The following COL6A5 variants were observed in gnomAD, a reference collection of about 807,000 sequenced individuals.
The protein encoded by COL6A5 is collagen alpha-5(VI) chain.
COL6A5 carries 48 observed loss-of-function variants against 65.6 expected under a neutral mutation model. The ratio of observed to expected loss-of-function variants is 0.73; its 90% CI spans 0.58 to 0.93. COL6A5 has a LOEUF of 0.93. COL6A5 is among the 40% of genes least tolerant of loss of function. The probability of loss-of-function intolerance (pLI) is 0.00; values close to 1 mark genes in which losing one functional copy is unlikely to be tolerated. For missense variants in COL6A5, 914 were observed against 928.3 expected (o/e 0.98, Z 0.20); for synonymous variants, 291 against 322.8 (o/e 0.90, Z 1.05).
At chr3:130,474,022 A>G (rs1490160682) in intron 7 of COL6A5, among the ~76,000 whole-genome samples, 1 of 152,120 alleles carries the variant, frequency 6.6e-6, no homozygotes, top group African/African-American at 2.4e-5. Flanking sequence ...TAACAGCAGT[A>G]ACTGCCATAG....
At chr3:130,393,332 T>A (rs913967531) in intron 7 of COL6A5, among the ~76,000 whole-genome samples, 1 of 152,132 alleles carries the variant, frequency 6.6e-6, no homozygotes, top group African/African-American at 2.4e-5. Flanking sequence ...TTTCAGTCTT[T>A]GTTTGCTAGT....
At chr3:130,386,576 C>T (rs1936196224) in intron 5 of COL6A5, among the ~76,000 whole-genome samples, 1 of 152,012 alleles carries the variant, frequency 6.6e-6, no homozygotes, top group African/African-American at 2.4e-5. Flanking sequence ...AGAGTTGGGT[C>T]TTTAGGGTGT....
At chr3:130,348,817 A>G (rs1292356639) in intron 1 of COL6A5, among the ~76,000 whole-genome samples, 5 of 152,184 alleles carry the variant, frequency 3.3e-5, no homozygotes, top group Non-Finnish European at 7.4e-5. Context: ...TTGCCATTCT[A>G]ACTGGCGTGA....
chr3:130,403,550 C>G, intron 12 of COL6A5, 59 bp from the exon 13 acceptor site: 1 of 1,384,744 alleles, frequency 7.2e-7, no homozygotes, highest in Admixed American at 2.4e-5. Flanking sequence ...AATGATTTCA[C>G]AAGTTTGACT....
At chr3:130,405,940 G>T in intron 14 of COL6A5, 53 bp from the exon 15 acceptor site, 1 of 1,526,330 alleles carries the variant, frequency 6.6e-7, no homozygotes, top group Non-Finnish European at 8.9e-7. Flanking sequence ...GGCAGTCTTT[G>T]AATCCACACT....
At chr3:130,349,017 A>G (rs1934605914) in intron 1 of COL6A5, among the ~76,000 whole-genome samples, 1 of 151,990 alleles carries the variant, frequency 6.6e-6, no homozygotes, top group African/African-American at 2.4e-5. Flanking sequence ...CTTGTCCTGT[A>G]TTCATGTTGC....
At chr3:130,476,948 C>T in intron 7 of COL6A5, 1 of 755,292 alleles carries the variant, frequency 1.3e-6, no homozygotes. Flanking sequence ...CAATCTGAGT[C>T]TCTTCAGAAA....
At position 130,380,257 on chromosome 3, in the gene COL6A5, A is replaced by G. The variant is rs147791991; in HGVS notation, c.1300+207A>G. Among the ~76,000 whole-genome samples the G allele has an allele frequency of 3.3e-4, 51 of 152,284 alleles. No homozygotes were observed. The East Asian group carries it at 4.8e-3, about 14-fold the overall frequency. ...AATACACTTACAAGAGGTCAATTTT[A>G]TAACATATAAATCACACCTCAATAA... On this transcript the variant is annotated intron_variant and NMD_transcript_variant, in intron 4 of 41. Coordinates refer to the COL6A5 transcript ENST00000312481.
At chr3:130,394,519 A>T (rs1401339833) in intron 7 of COL6A5, among the ~76,000 whole-genome samples, 1 of 152,212 alleles carries the variant, frequency 6.6e-6, no homozygotes, top group Non-Finnish European at 1.5e-5. Flanking sequence ...TACAGTAAGT[A>T]AGTGCTATTA....
chr3:130,380,200 C>A, intron 4 of COL6A5, 150 bp downstream of exon 4: 1 of 599,168 alleles, frequency 1.7e-6, no homozygotes, highest in Non-Finnish European at 2.8e-6. Flanking sequence ...GATGCCCATA[C>A]AACTTCAAAC....
At position 130,423,830 on chromosome 3, in the gene COL6A5, A is replaced by G. The variant is rs377354797; in HGVS notation, c.5101-8A>G. 9.7e-6 allele frequency: 15 copies of G among 1,547,230 alleles called. No homozygotes were observed. Among genetic ancestry groups the G allele is most frequent in the Non-Finnish European group, 1.2e-5 (14 of 1,143,324 alleles). On this transcript the variant is annotated splice_polypyrimidine_tract_variant and splice_region_variant and intron_variant and NMD_transcript_variant, in intron 28 of 41. Coordinates refer to the COL6A5 transcript ENST00000312481. ...GAAACTAATGTATTAATATATTCCT[A>G]TCTGCAGCTCACTGTAGGCTTGAAA... is the stretch of plus-strand genomic sequence containing the variant.
At chr3:130,347,954 G>A (rs1934560758) in intron 1 of COL6A5, among the ~76,000 whole-genome samples, 1 of 152,140 alleles carries the variant, frequency 6.6e-6, no homozygotes. Context: ...GGGCTGACTG[G>A]TGGTGCATGT....
intron 24 of COL6A5, among the ~76,000 whole-genome samples, chr3:130,417,113 T>A (rs1937367897): frequency 6.6e-6 from 1 of 150,816 alleles, no homozygotes; most frequent in Admixed American, 6.6e-5. Flanking sequence ...GACCCTAGTG[T>A]GTGATGTTCC....
At chr3:130,369,331 T>C (rs947725518) in intron 1 of COL6A5, among the ~76,000 whole-genome samples, 4 of 152,384 alleles carry the variant, frequency 2.6e-5, no homozygotes, top group East Asian at 1.9e-4. Flanking sequence ...ATTTGTGGCA[T>C]GTTTGATTTA....
At chr3:130,427,124 A>C (rs1937620557), upstream of COL6A5, among the ~76,000 whole-genome samples, 1 of 152,308 alleles carries the variant, frequency 6.6e-6, no homozygotes, top group East Asian at 1.9e-4. Context: ...GTTTTTATGA[A>C]GACAATCAAA....
rs746790793 is a variant in COL6A5, at chr3:130,440,575, C to T, written c.993C>T (p.His331=). ...CAGAAACACCCTATCTAAGAAAACA[C>T]AAGGTCATCTTTGTGGTCTCAGCTG... is the stretch of plus-strand genomic sequence containing the variant. Residue 331 remains histidine (H), a synonymous_variant, in exon 3 of 8, where the codon CAC becomes CAT. Coordinates refer to ENST00000512836, the Ensembl canonical transcript of COL6A5. 4.3e-6 allele frequency: 7 copies of T among 1,613,400 alleles called. No individual in the cohort carries two copies. In the East Asian group the frequency reaches 1.6e-4, roughly 36 times the overall value.
intron 1 of COL6A5, among the ~76,000 whole-genome samples, chr3:130,434,677 C>T (rs2107697370): frequency 6.6e-6 from 1 of 152,302 alleles, no homozygotes; most frequent in South Asian, 2.1e-4. Flanking sequence ...TTGCATTTCT[C>T]TAATGATCAG....
chr3:130,385,343 C>T lies in COL6A5; in HGVS notation c.1840C>T (p.Arg614Cys), dbSNP rs983173572. The change falls in exon 5 of 42, where the codon CGT becomes TGT. Residue 614 changes from arginine (R) to cysteine (C), a missense_variant and NMD_transcript_variant. By Grantham distance (180) the Arg-to-Cys change is radical. Transcript: ENST00000312481. The stretch of plus-strand genomic sequence containing the variant: ...GAAAAGCATAAAAAATGAAGTCGTT[C>T]GTGAAATCTGCGCTGAAAAAGGTAA... The T allele has an allele frequency of 3.9e-5, 61 of 1,549,904 alleles. No individual in the cohort carries two copies. The highest frequency in any genetic ancestry group is 1.4e-4 in the Admixed American group (7 of 50,826).
rs772531743 is a variant in COL6A5 at position 130,388,679 on chromosome 3, T to C, written c.1961T>C (p.Leu654Pro). The C allele has an allele frequency of 6.1e-5, 95 of 1,551,264 alleles. No homozygotes were observed. The Middle Eastern group carries it at 8.4e-4, about 14-fold the overall frequency. The change falls in exon 6 of 42, where the codon CTG becomes CCG. Residue 654 changes from leucine to proline, a missense_variant and NMD_transcript_variant. Transcript: ENST00000312481. ...AAAATGAAAATCTTCATGAAAAACC[T>C]GTTAACTAAAATTCAAATTGGTGCA...
Sources: gnomAD v4.1 joint callset for allele counts (sites outside exome capture counted in the v4.1 genomes callset) on GRCh38, gnomAD v4.1.1 for gene constraint, MANE v1.5 for transcripts, NCBI Gene and HGNC (gene_info 2026-07-23, HGNC 2026-07-21) for gene names.